Variants in CCDC13 observed in about 807,000 individuals in gnomAD.
CCDC13 encodes the protein coiled-coil domain-containing protein 13.
In CCDC13, 70 loss-of-function variants were observed where a neutral mutation model predicts 87.3. The observed-to-expected ratio is 0.80, with a 90% CI of 0.66 to 0.98. CCDC13 has a LOEUF of 0.98. Among genes scored for constraint, CCDC13 ranks in the 50% least tolerant of loss-of-function variants. The probability of loss-of-function intolerance (pLI) is 0.00; values close to 1 mark genes in which losing one functional copy is unlikely to be tolerated. For synonymous variants in CCDC13, 317 were observed against 360.3 expected (o/e 0.88, Z 1.36); for missense variants, 842 against 892.0 (o/e 0.94, Z 0.71).
intron 14 of CCDC13, among the ~76,000 whole-genome samples, chr3:42,712,172 A>C (rs189893038): frequency 1.1e-3 from 165 of 152,106 alleles, no homozygotes; most frequent in African/African-American, 3.8e-3. Flanking sequence ...ACTGAGACCA[A>C]GGGTCTGACC....
In CCDC13 at chr3:42,757,185, C is replaced by T. The variant is rs144943082; in HGVS notation, c.251G>A (p.Arg84Gln). 2.5e-4 allele frequency: 409 copies of T among 1,614,010 alleles called. No homozygotes were observed. The highest frequency in any genetic ancestry group is 3.3e-4 in the Non-Finnish European group (384 of 1,180,006). The change falls in exon 3 of 16, where the codon CGA (arginine) becomes CAA (glutamine). Residue 84 changes from arginine to glutamine, a missense_variant. By Grantham distance (43) the Arg-to-Gln change is conservative. Coordinates refer to ENST00000310232, the MANE Select transcript of CCDC13 (RefSeq NM_144719.4). ...GTCCACCGTTTCCCTGAGCTCATTT[C>T]GAAGGTGTTCAATCTCATCTTCAAG... The part of the protein sequence containing the change: ...RVLEDEIEHL[R>Q]NELRETVDEN...
At chr3:42,771,638 C>T (rs969702304) in intron 1 of CCDC13, among the ~76,000 whole-genome samples, 2 of 152,028 alleles carry the variant, frequency 1.3e-5, no homozygotes, top group Admixed American at 1.3e-4. Flanking sequence ...GCCTGTGTTC[C>T]CAGTTACTCA....
chr3:42,720,861 C>T (rs542348583), intron 13 of CCDC13, among the ~76,000 whole-genome samples: 1 of 152,234 alleles, frequency 6.6e-6, no homozygotes, highest in African/African-American at 2.4e-5. Context: ...CCTATGATCT[C>T]TTTAACAAAA....
chr3:42,742,897 T>G lies in CCDC13; in HGVS notation c.986A>C (p.Glu329Ala), dbSNP rs1182638526. 8 of 1,613,902 alleles carry G rather than the reference T, an allele frequency of 5.0e-6. No homozygotes were observed. In the Admixed American group the frequency reaches 1.3e-4, roughly 27 times the overall value. ...SLEREKQEGLEKLASERDVLQ... is the reference protein window; with the variant it reads ...SLEREKQEGLAKLASERDVLQ... ...CTGACCTCCTCAGGCACGCGTTACC[T>G]CCAAGCCTTCCTGTTTTTCCCTTTC... is the stretch of plus-strand genomic sequence containing the variant. Residue 329 changes from glutamate to alanine, a missense_variant and splice_region_variant, in exon 8 of 16, where the codon GAG becomes GCG. Transcript: ENST00000310232.
intron 15 of CCDC13, among the ~76,000 whole-genome samples, chr3:42,709,367 C>T (rs1698248228): frequency 6.6e-6 from 1 of 152,214 alleles, no homozygotes; most frequent in Admixed American, 6.5e-5. Flanking sequence ...AATTGAGTTC[C>T]AATTTGTAGA....
downstream of CCDC13, chr3:42,704,584 C>G (rs372824423): frequency 6.6e-6 from 1 of 152,354 alleles, no homozygotes; most frequent in African/African-American, 2.4e-5. Context: ...GATTCACACT[C>G]AGAAGTGAGG....
intron 4 of CCDC13, 94 bp downstream of exon 4, chr3:42,752,481 C>A: frequency 6.7e-7 from 1 of 1,502,170 alleles, no homozygotes; most frequent in East Asian, 2.3e-5. Context: ...CTTCCAACTT[C>A]AGCTCTCCCG....
rs1256201937 is a variant in CCDC13, at chr3:42,706,756, TAAAC to T, written c.*2220_*2223del. The T allele has an allele frequency of 6.6e-6, 1 of 152,242 alleles. No individual in the cohort carries two copies. The highest frequency in any genetic ancestry group is 2.4e-5 in the African/African-American group (1 of 41,466). The allele number at this position is 152,242 out of a possible 1,614,324, so 9.4% of individuals were successfully genotyped here. On this transcript the variant is annotated 3_prime_UTR_variant, in exon 16 of 16. Transcript: ENST00000310232. ...TAGATACATGTTCCTTGTACAGAAA[TAAAC>T]AGAGAGCTAATAATTAGTGAAACGT...
intron 1 of CCDC13, among the ~76,000 whole-genome samples, chr3:42,764,445 G>T (rs1001918866): frequency 6.6e-6 from 1 of 152,190 alleles, no homozygotes; most frequent in Admixed American, 6.5e-5. Context: ...CGTCCCACAC[G>T]GACAGCAGCT....
intron 10 of CCDC13, among the ~76,000 whole-genome samples, chr3:42,734,914 C>T (rs1344927180): frequency 6.6e-6 from 1 of 152,264 alleles, no homozygotes; most frequent in Non-Finnish European, 1.5e-5. Flanking sequence ...ATGCCTTAGA[C>T]AAGCATTTAT....
At chr3:42,735,598 G>C (rs909799066) in intron 10 of CCDC13, 109 bp downstream of exon 10, 1 of 1,167,348 alleles carries the variant, frequency 8.6e-7, no homozygotes, top group East Asian at 2.4e-5. Context: ...AGTGGAGCCA[G>C]GAAGGATGAA....
At chr3:42,759,764 A>G (rs1280845201) in intron 1 of CCDC13, among the ~76,000 whole-genome samples, 1 of 152,232 alleles carries the variant, frequency 6.6e-6, no homozygotes. Flanking sequence ...ACATTCATGT[A>G]TAAGAAGGTA....
intron 12 of CCDC13, among the ~76,000 whole-genome samples, chr3:42,731,756 C>T (rs1430078348): frequency 6.6e-6 from 1 of 152,174 alleles, no homozygotes; most frequent in Admixed American, 6.5e-5. Flanking sequence ...CATGCCAGCC[C>T]GAATAGACAT....
rs192956941 is a variant in CCDC13 at position 42,716,353 on chromosome 3, G to C, written c.1719-3037C>G. 1.2e-4 allele frequency among the ~76,000 whole-genome samples: 19 copies of C among 152,176 alleles called. No individual in the cohort carries two copies. In the East Asian group the frequency reaches 2.3e-3, roughly 19 times the overall value. On this transcript the variant is annotated intron_variant, in intron 13 of 15. Coordinates refer to ENST00000310232, the MANE Select transcript of CCDC13 (RefSeq NM_144719.4). Reference sequence around the variant, plus strand: ...TTCCACAATATAGAAGAAATAGATGGCTTCCTATAAGTTTACAAAAAACTT... The same window carrying C: ...TTCCACAATATAGAAGAAATAGATGCCTTCCTATAAGTTTACAAAAAACTT...
At position 42,708,757 on chromosome 3, in the gene CCDC13, C is replaced by T. The variant is rs1698232967; in HGVS notation, c.*223G>A. 4.4e-6 allele frequency: 2 copies of T among 450,996 alleles called. No homozygotes were observed. Among genetic ancestry groups the T allele is most frequent in the African/African-American group, 2.0e-5 (1 of 49,020 alleles). 27.9% of individuals were successfully genotyped at this position (450,996 alleles called of 1,614,324 possible). On this transcript the variant is annotated 3_prime_UTR_variant, in exon 16 of 16. Coordinates refer to ENST00000310232, the MANE Select transcript of CCDC13 (RefSeq NM_144719.4). ...GCTGGGCCTCCCTGCTGCTGTAACC[C>T]AGCCAGCCCAGGGTCTCCTGCAGTG...
Position 42,769,225 on chromosome 3 carries a change from A to T in CCDC13, c.-7+3951T>A, listed in dbSNP as rs147946409. 7.5e-4 allele frequency among the ~76,000 whole-genome samples: 114 copies of T among 152,390 alleles called. 3 individuals carry two copies. The East Asian group carries it at 0.018, about 24-fold the overall frequency. Reference sequence around the variant, plus strand: ...ATATGGATGGCAAATAGACATATGAAAAGATGTTCAGCATCATATGTAATC... The same window carrying T: ...ATATGGATGGCAAATAGACATATGATAAGATGTTCAGCATCATATGTAATC... On this transcript the variant is annotated intron_variant, in intron 1 of 15. Transcript: ENST00000310232.
intron 1 of CCDC13, among the ~76,000 whole-genome samples, chr3:42,767,899 A>G (rs563069046): frequency 1.3e-4 from 19 of 151,990 alleles, no homozygotes; most frequent in African/African-American, 4.6e-4. Flanking sequence ...GCTTGAACCC[A>G]GGAGGCAGAG....
intron 1 of CCDC13, among the ~76,000 whole-genome samples, chr3:42,772,496 T>G (rs577119527): frequency 2.0e-4 from 30 of 152,180 alleles, no homozygotes; most frequent in African/African-American, 7.2e-4. Context: ...TGCCACTTTT[T>G]TCATTGTTTT....
intron 3 of CCDC13, among the ~76,000 whole-genome samples, chr3:42,753,799 G>A (rs1218305753): frequency 1.3e-5 from 2 of 152,178 alleles, no homozygotes; most frequent in African/African-American, 2.4e-5. Flanking sequence ...CAGAGGTCTG[G>A]AGGTGGAATG....
Sources: gnomAD v4.1 joint callset for allele counts (sites outside exome capture counted in the v4.1 genomes callset) on GRCh38, gnomAD v4.1.1 for gene constraint, MANE v1.5 for transcripts, NCBI Gene and HGNC (gene_info 2026-07-23, HGNC 2026-07-21) for gene names.